Variants in CCDC92 observed in about 807,000 individuals in gnomAD.
CCDC92 encodes the protein coiled-coil domain-containing protein 92.
Under a neutral mutation model 24.9 loss-of-function variants are expected in CCDC92, and 12 were observed. The observed-to-expected ratio is 0.48, with a 90% CI of 0.31 to 0.78. The LOEUF is 0.78. CCDC92 is among the 30% of genes least tolerant of loss of function. CCDC92 has a pLI of 0.05. For missense variants in CCDC92, 399 were observed against 439.4 expected, an observed-to-expected ratio of 0.91 and a Z score of 0.82; for synonymous variants, 193 against 196.3, an observed-to-expected ratio of 0.98 and a Z score of 0.14.
intron 1 of CCDC92, among the ~76,000 whole-genome samples, chr12:123,969,128 T>C (rs1447701307): frequency 6.6e-6 from 1 of 152,236 alleles, no homozygotes; most frequent in African/African-American, 2.4e-5. Flanking sequence ...TTATAATAGA[T>C]AAATCCTTAT....
chr12:123,960,798 ACT>A (rs1421711426), intron 1 of CCDC92: 2 of 152,374 alleles, frequency 1.3e-5, no homozygotes, highest in African/African-American at 4.8e-5. Context: ...TTAAAAGTGC[ACT>A]GTCCCATGAA....
intron 1 of CCDC92, among the ~76,000 whole-genome samples, chr12:123,953,573 T>C (rs1956078985): frequency 6.6e-6 from 1 of 152,032 alleles, no homozygotes; most frequent in African/African-American, 2.4e-5. Context: ...GGTCAGGAGA[T>C]GGAAACCATC....
At chr12:123,947,814 C>T (rs1955917712) in intron 1 of CCDC92, among the ~76,000 whole-genome samples, 1 of 152,166 alleles carries the variant, frequency 6.6e-6, no homozygotes, top group Non-Finnish European at 1.5e-5. Flanking sequence ...GGGTCCCCTT[C>T]CACACTGTGG....
intron 1 of CCDC92, chr12:123,969,918 T>A (rs1427588660): frequency 6.6e-6 from 1 of 152,158 alleles, no homozygotes; most frequent in African/African-American, 2.4e-5. Context: ...TGATTCAATG[T>A]TTATTGTAGA....
At chr12:123,954,983 G>A (rs908132180) in intron 1 of CCDC92, among the ~76,000 whole-genome samples, 1 of 152,244 alleles carries the variant, frequency 6.6e-6, no homozygotes, top group African/African-American at 2.4e-5. Context: ...TTCTGGGGGA[G>A]GAGGTGACCG....
At chr12:123,964,247 ATCT>A (rs912637652) in intron 1 of CCDC92, among the ~76,000 whole-genome samples, 56 of 152,346 alleles carry the variant, frequency 3.7e-4, no homozygotes, top group African/African-American at 1.3e-3. Flanking sequence ...AAAGTTATTT[ATCT>A]TTTTTTTAAA....
At chr12:123,945,012 G>A (rs1955803135) in intron 1 of CCDC92, 1 of 152,086 alleles carries the variant, frequency 6.6e-6, no homozygotes, top group African/African-American at 2.4e-5. Context: ...CTACCAAAGG[G>A]AAATTATTAC....
Position 123,944,270 on chromosome 12 carries a change from A to G in CCDC92, c.34+2T>C. ...ATGCTCACTCAGGGCCCCAGACTCT[A>G]CCTTCATCGTAACTCGAGAAATGTG... On this transcript the variant is annotated splice_donor_variant, in intron 2 of 4. Coordinates refer to ENST00000238156, the MANE Select transcript of CCDC92 (RefSeq NM_025140.3). LOFTEE classifies it high-confidence loss of function. The G allele has an allele frequency of 6.3e-7, 1 of 1,585,900 alleles. No homozygotes were observed. The highest frequency in any genetic ancestry group is 2.3e-5 in the East Asian group (1 of 44,054).
intron 1 of CCDC92, among the ~76,000 whole-genome samples, chr12:123,970,700 T>A (rs1432996607): frequency 6.6e-6 from 1 of 152,250 alleles, no homozygotes; most frequent in Non-Finnish European, 1.5e-5. Context: ...GTAGATATAA[T>A]TAATCTTAGT....
In CCDC92 at chr12:123,972,666, C is replaced by CG. The variant is rs1956589918; in HGVS notation, c.-198dup. 6.8e-6 allele frequency: 1 copy of CG among 147,044 alleles called. No individual in the cohort carries two copies. Among genetic ancestry groups the CG allele is most frequent in the Non-Finnish European group, 1.5e-5 (1 of 66,054 alleles). 9.1% of individuals were successfully genotyped at this position (147,044 alleles called of 1,614,324 possible). On this transcript the variant is annotated 5_prime_UTR_variant, in exon 1 of 5. Coordinates refer to ENST00000238156, the MANE Select transcript of CCDC92 (RefSeq NM_025140.3). The stretch of plus-strand genomic sequence containing the variant: ...GGGCTGCCTGGGCTCGGGCGCTGCC[C>CG]GGGCCGGGCCGCCGAGGGAGGTCAG...
At chr12:123,964,446 C>A (rs1312981873) in intron 1 of CCDC92, among the ~76,000 whole-genome samples, 2 of 152,036 alleles carry the variant, frequency 1.3e-5, no homozygotes, top group Non-Finnish European at 2.9e-5. Context: ...TTCATTCTTT[C>A]CATAAAGGAA....
chr12:123,939,076 T>TATC (rs1955608615), intron 4 of CCDC92, among the ~76,000 whole-genome samples: 1 of 152,228 alleles, frequency 6.6e-6, no homozygotes, highest in African/African-American at 2.4e-5. Flanking sequence ...TCCTGAATGT[T>TATC]ATCTGCTCCC....
intron 4 of CCDC92, among the ~76,000 whole-genome samples, chr12:123,941,330 A>C (rs560008255): frequency 1.8e-4 from 28 of 152,276 alleles, no homozygotes; most frequent in Non-Finnish European, 2.9e-4. Flanking sequence ...ACAGGCTCCC[A>C]TTCCACCACC....
chr12:123,958,574 A>G (rs1275746292), intron 1 of CCDC92, among the ~76,000 whole-genome samples: 4 of 152,158 alleles, frequency 2.6e-5, no homozygotes, highest in South Asian at 2.1e-4. Context: ...GCCTCCTCAC[A>G]TAAGTGGTCT....
intron 1 of CCDC92, among the ~76,000 whole-genome samples, chr12:123,952,065 A>G (rs964259767): frequency 6.6e-6 from 1 of 152,208 alleles, no homozygotes; most frequent in Admixed American, 6.5e-5. Context: ...CTTGTCACCT[A>G]AGTCATTGTG....
rs1393538304 is a variant in CCDC92, at chr12:123,972,642, GGCTGCCTGGGCTCGGGCGCTGCCC to G, written c.-197_-174del. The G allele has an allele frequency of 6.8e-6, 1 of 146,748 alleles. No individual in the cohort carries two copies. Among genetic ancestry groups the G allele is most frequent in the African/African-American group, 2.5e-5 (1 of 40,314 alleles). 9.1% of individuals were successfully genotyped at this position (146,748 alleles called of 1,614,324 possible). ...GGGCTGGGCGGGGCGCGGCGGGCGG[GGCTGCCTGGGCTCGGGCGCTGCCC>G]GGGCCGGGCCGCCGAGGGAGGTCAG... On this transcript the variant is annotated 5_prime_UTR_variant, in exon 1 of 5. Transcript: ENST00000238156.
At chr12:123,971,060 C>G (rs1004386698) in intron 1 of CCDC92, among the ~76,000 whole-genome samples, 1 of 151,950 alleles carries the variant, frequency 6.6e-6, no homozygotes, top group African/African-American at 2.4e-5. Flanking sequence ...TCAAAAAAAC[C>G]CTATTTGTTA....
At position 123,961,150 on chromosome 12, in the gene CCDC92, G is replaced by A. The variant is rs539713758; in HGVS notation, c.-60+11379C>T. ...GAGCCAGGGGAAGGCTGTCCATGAA[G>A]GGTGAAGGGCTGCCCATCCTAGCAC... is the stretch of plus-strand genomic sequence containing the variant. On this transcript the variant is annotated intron_variant, in intron 1 of 4. Transcript: ENST00000238156. 3.6e-4 allele frequency: 55 copies of A among 152,364 alleles called. 1 individual carries two copies. The highest frequency in any genetic ancestry group is 1.3e-3 in the African/African-American group (52 of 41,586). 9.4% of individuals were successfully genotyped at this position (152,364 alleles called of 1,614,324 possible).
At chr12:123,969,811 G>A (rs1225662586) in intron 1 of CCDC92, among the ~76,000 whole-genome samples, 2 of 151,948 alleles carry the variant, frequency 1.3e-5, no homozygotes, top group Non-Finnish European at 2.9e-5. Flanking sequence ...TAATTTGCTG[G>A]CTCTCCAAAG....
Sources: gnomAD v4.1 joint callset for allele counts (sites outside exome capture counted in the v4.1 genomes callset) on GRCh38, gnomAD v4.1.1 for gene constraint, MANE v1.5 for transcripts, NCBI Gene and HGNC (gene_info 2026-07-23, HGNC 2026-07-21) for gene names.